The following PDSS2 variants were observed in gnomAD, a reference collection of about 807,000 sequenced individuals.
PDSS2 encodes the protein all trans-polyprenyl-diphosphate synthase PDSS2.
In PDSS2, 31 loss-of-function variants were observed where a neutral mutation model predicts 44.5. The observed-to-expected ratio is 0.70, with a 90% CI of 0.52 to 0.94. PDSS2 has a LOEUF of 0.94. PDSS2 is among the 40% of genes least tolerant of loss of function. The pLI is 0.00. For missense variants in PDSS2, 452 were observed against 482.2 expected (o/e 0.94, Z 0.59); for synonymous variants, 157 against 180.3 (o/e 0.87, Z 1.03).
chr6:107,203,148 G>A (rs1209937246), intron 6 of PDSS2, among the ~76,000 whole-genome samples: 2 of 152,176 alleles, frequency 1.3e-5, no homozygotes, highest in African/African-American at 4.8e-5. Context: ...CAAGGCAACG[G>A]CCATCAACCT....
chr6:107,205,625 A>G (rs1202480117), intron 6 of PDSS2, among the ~76,000 whole-genome samples: 1 of 152,204 alleles, frequency 6.6e-6, no homozygotes, highest in Non-Finnish European at 1.5e-5. Flanking sequence ...TTTAGTATGG[A>G]GAAAATGCTC....
intron 2 of PDSS2, among the ~76,000 whole-genome samples, chr6:107,333,401 A>C (rs1220069438): frequency 6.6e-6 from 1 of 152,210 alleles, no homozygotes; most frequent in Non-Finnish European, 1.5e-5. Flanking sequence ...AAAATGAGTA[A>C]TACATACTTA....
At chr6:107,184,436 T>C (rs1216308336) in intron 7 of PDSS2, among the ~76,000 whole-genome samples, 1 of 151,966 alleles carries the variant, frequency 6.6e-6, no homozygotes, top group African/African-American at 2.4e-5. Flanking sequence ...TAAGAAGAAA[T>C]GACTAAAAGG....
At chr6:107,203,507 G>C (rs11756094) in intron 6 of PDSS2, among the ~76,000 whole-genome samples, 35,632 of 151,750 alleles carry the variant, frequency 0.23, 5,125 homozygotes, top group East Asian at 0.49. Context: ...TCCTTTCATC[G>C]TATATAATAT....
At chr6:107,453,123 G>A (rs1379506444) in intron 1 of PDSS2, among the ~76,000 whole-genome samples, 5 of 151,420 alleles carry the variant, frequency 3.3e-5, no homozygotes, top group African/African-American at 1.2e-4. Context: ...AAGCTGGAGT[G>A]CAGTGGTGCA....
chr6:107,231,781 G>A (rs1774058280), intron 4 of PDSS2, among the ~76,000 whole-genome samples: 1 of 152,108 alleles, frequency 6.6e-6, no homozygotes, highest in Admixed American at 6.6e-5. Flanking sequence ...GACCAACATG[G>A]TGAAACCCCA....
chr6:107,444,365 A>AAGAAACTAAGGCACAG, intron 1 of PDSS2, among the ~76,000 whole-genome samples: 1 of 152,274 alleles, frequency 6.6e-6, no homozygotes, highest in Admixed American at 6.5e-5. Context: ...TTTACAGATG[A>AAGAAACTAAGGCACAG]AGAAACTAAG....
intron 2 of PDSS2, among the ~76,000 whole-genome samples, chr6:107,323,197 T>C (rs1777437640): frequency 6.6e-6 from 1 of 152,172 alleles, no homozygotes; most frequent in African/African-American, 2.4e-5. Context: ...GTAGTTAAGT[T>C]CCAGCAAAAG....
chr6:107,448,591 A>G (rs1279509855), intron 1 of PDSS2, among the ~76,000 whole-genome samples: 1 of 152,198 alleles, frequency 6.6e-6, no homozygotes, highest in Non-Finnish European at 1.5e-5. Context: ...AGTCTCTAGG[A>G]AGTTCCAAAC....
intron 2 of PDSS2, among the ~76,000 whole-genome samples, chr6:107,306,905 C>CT (rs1289095916): frequency 6.6e-6 from 1 of 152,148 alleles, no homozygotes; most frequent in Non-Finnish European, 1.5e-5. Context: ...GTTTGCAAAT[C>CT]TTTGTTTCAG....
At chr6:107,357,974 A>G (rs1257819534) in intron 1 of PDSS2, among the ~76,000 whole-genome samples, 1 of 152,170 alleles carries the variant, frequency 6.6e-6, no homozygotes, top group Non-Finnish European at 1.5e-5. Context: ...ATACTATTAC[A>G]CTATAAAATC....
intron 1 of PDSS2, among the ~76,000 whole-genome samples, chr6:107,383,594 T>C (rs566878806): frequency 6.6e-6 from 1 of 151,904 alleles, no homozygotes; most frequent in Admixed American, 6.6e-5. Flanking sequence ...TAGATACAAA[T>C]AAAGAAACTT....
chr6:107,401,127 C>G (rs1780093678), intron 1 of PDSS2, among the ~76,000 whole-genome samples: 2 of 152,142 alleles, frequency 1.3e-5, no homozygotes, highest in African/African-American at 4.8e-5. Context: ...GGTCAACATG[C>G]AAAGCCCATT....
intron 6 of PDSS2, among the ~76,000 whole-genome samples, chr6:107,194,876 C>T (rs1245680760): frequency 6.6e-6 from 1 of 152,084 alleles, no homozygotes; most frequent in Non-Finnish European, 1.5e-5. Flanking sequence ...ATCGCTTGAA[C>T]CCAGGAGGCG....
intron 4 of PDSS2, among the ~76,000 whole-genome samples, chr6:107,219,585 C>T (rs1296699852): frequency 6.6e-6 from 1 of 152,210 alleles, no homozygotes; most frequent in Non-Finnish European, 1.5e-5. Flanking sequence ...CTGTGCTTGG[C>T]CTACTTGTGT....
intron 1 of PDSS2, among the ~76,000 whole-genome samples, chr6:107,425,006 A>G (rs539130825): frequency 6.6e-6 from 1 of 152,278 alleles, no homozygotes; most frequent in Admixed American, 6.5e-5. Context: ...AATGAATCTC[A>G]CGAGATCTGA....
chr6:107,345,952 A>C (rs548177143), intron 1 of PDSS2, among the ~76,000 whole-genome samples: 1 of 152,338 alleles, frequency 6.6e-6, no homozygotes, highest in South Asian at 2.1e-4. Context: ...TGGCTGCCTA[A>C]GTTCAAACCT....
intron 1 of PDSS2, among the ~76,000 whole-genome samples, chr6:107,398,561 T>C (rs1780015799): frequency 6.6e-6 from 1 of 152,152 alleles, no homozygotes; most frequent in Non-Finnish European, 1.5e-5. Context: ...AATCAAAAAG[T>C]TTGAGAACCT....
intron 1 of PDSS2, among the ~76,000 whole-genome samples, chr6:107,336,046 G>A (rs1210835336): frequency 2.6e-5 from 4 of 151,532 alleles, no homozygotes; most frequent in Non-Finnish European, 5.9e-5. Context: ...CCTGAGGTCA[G>A]GGGTTCGAGA....
Sources: allele counts gnomAD v4.1 joint callset (sites outside exome capture counted in the v4.1 genomes callset), GRCh38; gene constraint gnomAD v4.1.1; transcripts MANE v1.5; gene names NCBI Gene and HGNC (gene_info 2026-07-23, HGNC 2026-07-21).